The following ELAVL4 variants were observed in gnomAD, a reference collection of about 807,000 sequenced individuals.
The protein encoded by ELAVL4 is ELAV like RNA binding protein 4.
Under a neutral mutation model 35.6 loss-of-function variants are expected in ELAVL4, and 1 was observed. The ratio of observed to expected loss-of-function variants is 0.03; its 90% CI spans 0.01 to 0.13. The LOEUF is 0.13. Among genes scored for constraint, ELAVL4 ranks in the 10% least tolerant of loss-of-function variants. The probability of loss-of-function intolerance (pLI) is 1.00; values close to 1 mark genes in which losing one functional copy is unlikely to be tolerated. For missense variants in ELAVL4, 267 were observed against 464.9 expected (o/e 0.57, Z 3.91); for synonymous variants, 156 against 171.0 (o/e 0.91, Z 0.69).
At chr1:50,091,896 C>T (rs1665512882) in intron 1 of ELAVL4, among the ~76,000 whole-genome samples, 1 of 152,138 alleles carries the variant, frequency 6.6e-6, no homozygotes, top group African/African-American at 2.4e-5. Context: ...CGCTTAAGGT[C>T]TGTGAGACAT....
intron 2 of ELAVL4, among the ~76,000 whole-genome samples, chr1:50,167,936 C>G (rs1678241202): frequency 6.6e-6 from 1 of 152,174 alleles, no homozygotes; most frequent in Admixed American, 6.5e-5. Flanking sequence ...CCAGCCAAAC[C>G]ATTGGCTACA....
intron 1 of ELAVL4, among the ~76,000 whole-genome samples, chr1:50,084,106 T>C (rs1485651832): frequency 6.6e-6 from 1 of 152,220 alleles, no homozygotes; most frequent in Non-Finnish European, 1.5e-5. Context: ...AAAAATCAAG[T>C]TTGTGTTTTT....
intron 1 of ELAVL4, among the ~76,000 whole-genome samples, chr1:50,110,293 G>A (rs1475966649): frequency 2.0e-5 from 3 of 152,092 alleles, no homozygotes; most frequent in African/African-American, 7.2e-5. Flanking sequence ...CCGCCTCTGT[G>A]AGCCTTCAAC....
intron 1 of ELAVL4, among the ~76,000 whole-genome samples, chr1:50,093,468 C>A (rs1665580252): frequency 6.6e-6 from 1 of 152,126 alleles, no homozygotes; most frequent in Non-Finnish European, 1.5e-5. Flanking sequence ...CATCCTCTAC[C>A]CTCATCCCTC....
At chr1:50,067,703 C>G (rs897368645) in intron 1 of ELAVL4, among the ~76,000 whole-genome samples, 3 of 152,132 alleles carry the variant, frequency 2.0e-5, no homozygotes, top group African/African-American at 7.2e-5. Flanking sequence ...TTGTATTAGT[C>G]CATTCTCATG....
At chr1:50,200,307 T>TA (rs879257216) in intron 6 of ELAVL4, among the ~76,000 whole-genome samples, 63 of 145,750 alleles carry the variant, frequency 4.3e-4, no homozygotes, top group Admixed American at 4.8e-4. Flanking sequence ...AATCTGCCTT[T>TA]AAAAAAAAAA....
At chr1:50,153,007 T>G (rs541715846) in intron 2 of ELAVL4, among the ~76,000 whole-genome samples, 4 of 152,176 alleles carry the variant, frequency 2.6e-5, no homozygotes, top group African/African-American at 9.7e-5. Context: ...AATGGATAAG[T>G]CATAGTTTGT....
intron 1 of ELAVL4, among the ~76,000 whole-genome samples, chr1:50,057,757 G>C (rs1663754517): frequency 6.6e-6 from 1 of 152,130 alleles, no homozygotes; most frequent in Non-Finnish European, 1.5e-5. Context: ...ATGTTTGCAT[G>C]ATGACAAAAT....
chr1:50,132,150 G>A (rs907772089), intron 1 of ELAVL4, among the ~76,000 whole-genome samples: 8 of 151,818 alleles, frequency 5.3e-5, no homozygotes, highest in African/African-American at 1.7e-4. Flanking sequence ...ATTTTTAATC[G>A]ATACGTATTA....
intron 1 of ELAVL4, among the ~76,000 whole-genome samples, chr1:50,129,874 A>G (rs1018270492): frequency 1.3e-5 from 2 of 152,136 alleles, no homozygotes; most frequent in African/African-American, 4.8e-5. Flanking sequence ...ACATGTACTG[A>G]GTGCTTACTG....
chr1:50,172,909 C>A (rs533663036), intron 2 of ELAVL4, among the ~76,000 whole-genome samples: 1 of 152,234 alleles, frequency 6.6e-6, no homozygotes, highest in South Asian at 2.1e-4. Context: ...CAGAGGAGAA[C>A]CTACCCAGGA....
At chr1:50,190,131 G>C (rs890216269) in intron 3 of ELAVL4, among the ~76,000 whole-genome samples, 1 of 152,194 alleles carries the variant, frequency 6.6e-6, no homozygotes, top group African/African-American at 2.4e-5. Flanking sequence ...GTCAGTGCTG[G>C]CCTAGAGATG....
At chr1:50,055,707 C>A (rs1297517334) in intron 1 of ELAVL4, among the ~76,000 whole-genome samples, 1 of 152,046 alleles carries the variant, frequency 6.6e-6, no homozygotes, top group African/African-American at 2.4e-5. Flanking sequence ...CACGGTGCCT[C>A]ACGCCTGTAA....
chr1:50,129,003 C>G (rs374519313), intron 1 of ELAVL4, among the ~76,000 whole-genome samples: 5 of 152,092 alleles, frequency 3.3e-5, no homozygotes, highest in African/African-American at 1.2e-4. Context: ...ACCTATCTCT[C>G]AGGATCTTCA....
At chr1:50,184,891 A>G (rs533413408) in intron 3 of ELAVL4, among the ~76,000 whole-genome samples, 1 of 152,338 alleles carries the variant, frequency 6.6e-6, no homozygotes, top group South Asian at 2.1e-4. Flanking sequence ...TTCTGATTGT[A>G]GAGCTGCTCT....
chr1:50,127,381 T>G (rs1670120225), intron 1 of ELAVL4, among the ~76,000 whole-genome samples: 1 of 151,658 alleles, frequency 6.6e-6, no homozygotes. Context: ...GAGAGAGGAG[T>G]TGTCTGAAGC....
At chr1:50,085,872 G>C (rs750949244) in intron 1 of ELAVL4, among the ~76,000 whole-genome samples, 2 of 152,200 alleles carry the variant, frequency 1.3e-5, no homozygotes, top group Non-Finnish European at 1.5e-5. Context: ...AGCGAAGGGG[G>C]AGATAGATGC....
chr1:50,196,352 C>A (rs1644058323), intron 5 of ELAVL4, among the ~76,000 whole-genome samples: 1 of 152,284 alleles, frequency 6.6e-6, no homozygotes, highest in South Asian at 2.1e-4. Flanking sequence ...AAGTACCCAA[C>A]CCCCAGGAAG....
chr1:50,103,059 A>G (rs778443345), upstream of ELAVL4, among the ~76,000 whole-genome samples: 54 of 152,248 alleles, frequency 3.5e-4, no homozygotes, highest in Non-Finnish European at 5.4e-4. Flanking sequence ...TCTGGAAAGG[A>G]AACTTTTACT....
Sources: gnomAD v4.1 joint callset for allele counts (sites outside exome capture counted in the v4.1 genomes callset) on GRCh38, gnomAD v4.1.1 for gene constraint, MANE v1.5 for transcripts, NCBI Gene and HGNC (gene_info 2026-07-23, HGNC 2026-07-21) for gene names.